The following SUGCT variants were observed in gnomAD, a reference collection of about 807,000 sequenced individuals.
The protein encoded by SUGCT is succinyl-CoA:glutarate-CoA transferase.
A neutral mutation model predicts 55.0 loss-of-function variants in SUGCT; 41 were observed. The observed-to-expected ratio is 0.74, with a 90% CI of 0.58 to 0.97. The LOEUF (loss-of-function observed/expected upper bound fraction) is 0.97, where lower values mean the gene tolerates loss of function less well. SUGCT is among the 50% of genes least tolerant of loss of function. The pLI is 0.00. For synonymous variants in SUGCT, 187 were observed against 200.4 expected (o/e 0.93, Z 0.56); for missense variants, 568 against 547.8 (o/e 1.04, Z -0.37).
intron 6 of SUGCT, among the ~76,000 whole-genome samples, chr7:40,216,484 G>A (rs1408403490): frequency 7.7e-6 from 1 of 130,130 alleles, no homozygotes; most frequent in Non-Finnish European, 1.5e-5. Context: ...TGGGCGAAGA[G>A]CAAGACTCCG....
At chr7:40,263,489 T>G (rs911801555) in intron 7 of SUGCT, among the ~76,000 whole-genome samples, 1 of 152,174 alleles carries the variant, frequency 6.6e-6, no homozygotes, top group African/African-American at 2.4e-5. Flanking sequence ...TAAATTGATT[T>G]GGGGTCTCAT....
At chr7:40,996,971 C>T in the SUGCT span, among the ~76,000 whole-genome samples, 14 of 152,112 alleles carry the variant, frequency 9.2e-5, no homozygotes, top group South Asian at 1.7e-3. Flanking sequence ...CAAACTGAAG[C>T]GAAGGAGACA....
chr7:40,849,362 A>T (rs1205078581), intron 13 of SUGCT, among the ~76,000 whole-genome samples: 1 of 152,166 alleles, frequency 6.6e-6, no homozygotes, highest in African/African-American at 2.4e-5. Flanking sequence ...CTTAGTGCTG[A>T]TCAATTGCCA....
intron 12 of SUGCT, among the ~76,000 whole-genome samples, chr7:40,722,102 G>A (rs903881773): frequency 1.3e-5 from 2 of 151,242 alleles, no homozygotes; most frequent in African/African-American, 4.9e-5. Flanking sequence ...GAATGATTTC[G>A]TCCACCACAA....
At chr7:40,802,379 A>G (rs10225209) in intron 13 of SUGCT, among the ~76,000 whole-genome samples, 47,737 of 151,892 alleles carry the variant, frequency 0.31, 7,913 homozygotes, top group South Asian at 0.44. Context: ...TGCTGACTTT[A>G]CAATGTGATC....
At chr7:40,264,062 C>G (rs1791397067) in intron 7 of SUGCT, among the ~76,000 whole-genome samples, 1 of 152,128 alleles carries the variant, frequency 6.6e-6, no homozygotes, top group African/African-American at 2.4e-5. Context: ...CCACTTATAG[C>G]CTAAATTTAG....
At chr7:40,529,526 G>T (rs1268793057) in intron 12 of SUGCT, among the ~76,000 whole-genome samples, 13 of 152,210 alleles carry the variant, frequency 8.5e-5, no homozygotes, top group South Asian at 4.1e-4. Context: ...CTGTTACCAG[G>T]AGAGGATTGC....
At chr7:40,988,926 A>C in the SUGCT span, among the ~76,000 whole-genome samples, 1 of 151,972 alleles carries the variant, frequency 6.6e-6, no homozygotes, top group South Asian at 2.1e-4. Context: ...TCTCCTCAGT[A>C]TATAGGCAGG....
chr7:40,755,615 T>G (rs1788216204), intron 13 of SUGCT, among the ~76,000 whole-genome samples: 1 of 152,174 alleles, frequency 6.6e-6, no homozygotes, highest in South Asian at 2.1e-4. Context: ...ACTGTGGAGG[T>G]GCCAAGTTAG....
intron 9 of SUGCT, among the ~76,000 whole-genome samples, chr7:40,327,644 A>G (rs1796084521): frequency 6.6e-6 from 1 of 152,160 alleles, no homozygotes; most frequent in Admixed American, 6.6e-5. Context: ...GTAAATCCCT[A>G]GTTCCTTTAA....
At chr7:40,142,453 G>T (rs1223327542) in intron 1 of SUGCT, among the ~76,000 whole-genome samples, 1 of 152,122 alleles carries the variant, frequency 6.6e-6, no homozygotes, top group East Asian at 1.9e-4. Context: ...TTTACATAAG[G>T]CAGAGAATAG....
chr7:40,654,069 A>G lies in SUGCT; in HGVS notation c.1090-95365A>G, dbSNP rs551177540. 2.0e-5 allele frequency among the ~76,000 whole-genome samples: 3 copies of G among 152,326 alleles called. No homozygotes were observed. The East Asian group carries it at 5.8e-4, about 29-fold the overall frequency. On this transcript the variant is annotated intron_variant, in intron 12 of 13. Coordinates refer to ENST00000335693, the MANE Select transcript of SUGCT (RefSeq NM_001193313.2). ...GTCAAGAGAATTAGTTTTAAGTAATATATCACTTACTTTCCCATAAGGTAT... is the reference window on the plus strand; with the variant it reads ...GTCAAGAGAATTAGTTTTAAGTAATGTATCACTTACTTTCCCATAAGGTAT...
intron 12 of SUGCT, among the ~76,000 whole-genome samples, chr7:40,742,174 G>T (rs1787495311): frequency 6.6e-6 from 1 of 152,114 alleles, no homozygotes; most frequent in African/African-American, 2.4e-5. Flanking sequence ...ATGTGTGTGT[G>T]TATATTGCAT....
At chr7:40,462,008 GCT>G (rs1789829556) in intron 11 of SUGCT, among the ~76,000 whole-genome samples, 1 of 152,120 alleles carries the variant, frequency 6.6e-6, no homozygotes, top group Non-Finnish European at 1.5e-5. Context: ...TTGTTTATGC[GCT>G]CAAGAAATAT....
At chr7:40,723,329 T>C (rs971014519) in intron 12 of SUGCT, among the ~76,000 whole-genome samples, 4 of 152,176 alleles carry the variant, frequency 2.6e-5, no homozygotes, top group African/African-American at 9.7e-5. Flanking sequence ...AAGCAGATGA[T>C]GGCTGTGGGA....
chr7:40,217,256 C>G (rs1584368745), intron 6 of SUGCT: 1 of 254,322 alleles, frequency 3.9e-6, no homozygotes, highest in East Asian at 1.5e-4. Flanking sequence ...GTCACCCAGG[C>G]TGGAGTGTCA....
intron 12 of SUGCT, among the ~76,000 whole-genome samples, chr7:40,562,795 G>A (rs571088135): frequency 2.8e-4 from 43 of 152,268 alleles, no homozygotes; most frequent in South Asian, 1.9e-3. Context: ...GAACTCCAAG[G>A]TTTGTGCTAT....
At position 40,236,976 on chromosome 7, in the gene SUGCT, G is replaced by A. The variant is rs144478475; in HGVS notation, c.485-659G>A. Among the ~76,000 whole-genome samples, 642 of 152,094 alleles carry A rather than the reference G, an allele frequency of 4.2e-3. 5 individuals carry two copies. The highest frequency in any genetic ancestry group is 0.014 in the African/African-American group (590 of 41,526). ...GCCTTCCCAGTGGCTGGGATTATAGGCATGCACCACCACACCTGGCTAATT... is the reference window on the plus strand; with the variant it reads ...GCCTTCCCAGTGGCTGGGATTATAGACATGCACCACCACACCTGGCTAATT... On this transcript the variant is annotated intron_variant, in intron 6 of 13. Transcript: ENST00000335693.
intron 12 of SUGCT, among the ~76,000 whole-genome samples, chr7:40,518,508 G>A (rs942324935): frequency 6.6e-6 from 1 of 152,070 alleles, no homozygotes; most frequent in African/African-American, 2.4e-5. Context: ...CTCAGATGTT[G>A]TTTTTAAAAT....
Sources: allele counts gnomAD v4.1 joint callset (sites outside exome capture counted in the v4.1 genomes callset), GRCh38; gene constraint gnomAD v4.1.1; transcripts MANE v1.5; gene names NCBI Gene and HGNC (gene_info 2026-07-23, HGNC 2026-07-21).